The following GPR39 variants were observed in gnomAD, a reference collection of about 807,000 sequenced individuals.
GPR39 encodes the protein zinc sensing receptor.
GPR39 carries 23 observed loss-of-function variants against 18.4 expected under a neutral mutation model. That is an observed-to-expected ratio of 1.25 (90% CI 0.90 to 1.77). The LOEUF is 1.77. Among genes scored for constraint, GPR39 ranks in the 40% most tolerant of loss-of-function variants. The pLI is 0.00. For synonymous variants in GPR39, 280 were observed against 257.9 expected (o/e 1.09, Z -0.82); for missense variants, 647 against 602.4 (o/e 1.07, Z -0.78).
chr2:132,609,034 A>G (rs1681192238), intron 1 of GPR39, among the ~76,000 whole-genome samples: 1 of 152,210 alleles, frequency 6.6e-6, no homozygotes, highest in Non-Finnish European at 1.5e-5. Context: ...TTCAGAGAGC[A>G]GTGAGAGAGG....
chr2:132,469,720 C>A (rs1380513702), intron 1 of GPR39, among the ~76,000 whole-genome samples: 2 of 152,168 alleles, frequency 1.3e-5, no homozygotes, highest in Non-Finnish European at 2.9e-5. Context: ...GCTGGCTCTG[C>A]CTTTGAAACA....
At chr2:132,614,695 C>T (rs191556392) in intron 1 of GPR39, among the ~76,000 whole-genome samples, 48 of 151,618 alleles carry the variant, frequency 3.2e-4, no homozygotes, top group African/African-American at 7.7e-4. Flanking sequence ...AGATTACAGG[C>T]GCATGCCACC....
intron 1 of GPR39, among the ~76,000 whole-genome samples, chr2:132,480,087 A>G (rs977203486): frequency 2.0e-5 from 3 of 152,226 alleles, no homozygotes; most frequent in African/African-American, 7.2e-5. Flanking sequence ...TTAAAATGGA[A>G]GGAAATACCA....
intron 1 of GPR39, among the ~76,000 whole-genome samples, chr2:132,482,598 C>T (rs1014142523): frequency 3.3e-5 from 5 of 152,122 alleles, no homozygotes; most frequent in Non-Finnish European, 4.4e-5. Context: ...TGTGGATGTC[C>T]TGGAGGGGAG....
chr2:132,506,455 T>C (rs1238707297), intron 1 of GPR39, among the ~76,000 whole-genome samples: 1 of 152,160 alleles, frequency 6.6e-6, no homozygotes, highest in Non-Finnish European at 1.5e-5. Context: ...TCTTGAGGTC[T>C]TAGCCATTGT....
chr2:132,553,349 A>G (rs909914807), intron 1 of GPR39, among the ~76,000 whole-genome samples: 4 of 148,304 alleles, frequency 2.7e-5, no homozygotes, highest in Middle Eastern at 3.6e-3. Context: ...GTATATGTGT[A>G]TATATATATG....
At chr2:132,600,634 TATAAC>T (rs1401315935) in intron 1 of GPR39, among the ~76,000 whole-genome samples, 5 of 152,062 alleles carry the variant, frequency 3.3e-5, no homozygotes, top group Admixed American at 2.0e-4. Flanking sequence ...CCTGGACACA[TATAAC>T]CTACCAAGAT....
chr2:132,639,886 A>T (rs1431525072), intron 1 of GPR39, among the ~76,000 whole-genome samples: 1 of 152,150 alleles, frequency 6.6e-6, no homozygotes, highest in African/African-American at 2.4e-5. Flanking sequence ...AATGGTCAGC[A>T]CTTGAGTCTA....
intron 1 of GPR39, among the ~76,000 whole-genome samples, chr2:132,448,503 C>T (rs1046811137): frequency 2.0e-5 from 3 of 152,170 alleles, no homozygotes; most frequent in African/African-American, 7.2e-5. Context: ...TGGGTGCTGA[C>T]CCCTGGGATT....
At chr2:132,622,863 C>T (rs1681466733) in intron 1 of GPR39, among the ~76,000 whole-genome samples, 1 of 152,100 alleles carries the variant, frequency 6.6e-6, no homozygotes, top group South Asian at 2.1e-4. Context: ...GCCTGTAATC[C>T]CAGCACTTTG....
chr2:132,620,966 A>G lies in GPR39; in HGVS notation c.857-24135A>G, dbSNP rs148580397. Reference sequence around the variant, plus strand: ...ACGGGGTTTCATTGTGTTAGCCAGGATGGTCTCGATCACCTGACCTCATAA... The same window carrying G: ...ACGGGGTTTCATTGTGTTAGCCAGGGTGGTCTCGATCACCTGACCTCATAA... On this transcript the variant is annotated intron_variant, in intron 1 of 1. Coordinates refer to ENST00000329321, the MANE Select transcript of GPR39 (RefSeq NM_001508.3). 5.8e-4 allele frequency among the ~76,000 whole-genome samples: 89 copies of G among 152,168 alleles called. No homozygotes were observed. In the East Asian group the frequency reaches 0.016, roughly 28 times the overall value.
At chr2:132,629,038 T>G (rs1558864269) in intron 1 of GPR39, among the ~76,000 whole-genome samples, 1 of 152,136 alleles carries the variant, frequency 6.6e-6, no homozygotes. Context: ...TAGGGAGCCC[T>G]TCCCAGAGGA....
Position 132,417,610 on chromosome 2 carries a change from A to G in GPR39, c.568A>G (p.Thr190Ala). Residue 190 changes from threonine (T) to alanine (A), a missense_variant, in exon 1 of 2, where the codon ACT becomes GCT. This residue lies in a region of GPR39 where 581 missense variants were observed against 506.8 expected (regional missense o/e 1.15). Coordinates refer to ENST00000329321, the MANE Select transcript of GPR39 (RefSeq NM_001508.3). ...LVNVPSHRGL[T>A]CNRSSTRHHE... ...GAACGTGCCCAGCCACCGGGGTCTCACTTGCAACCGCTCCAGCACCCGCCA... is the reference window on the plus strand; with the variant it reads ...GAACGTGCCCAGCCACCGGGGTCTCGCTTGCAACCGCTCCAGCACCCGCCA... 1 of 1,613,856 alleles carries G rather than the reference A, an allele frequency of 6.2e-7. No homozygotes were observed. The highest frequency in any genetic ancestry group is 8.5e-7 in the Non-Finnish European group (1 of 1,179,958).
intron 1 of GPR39, among the ~76,000 whole-genome samples, chr2:132,623,337 C>T (rs568519417): frequency 5.8e-4 from 88 of 152,112 alleles, no homozygotes; most frequent in Admixed American, 2.9e-3. Flanking sequence ...CTGGACTCCA[C>T]GCTCCTGATA....
chr2:132,633,993 A>ATGAGG (rs1336885266), intron 1 of GPR39, among the ~76,000 whole-genome samples: 4 of 140,584 alleles, frequency 2.8e-5, no homozygotes, highest in African/African-American at 1.1e-4. Context: ...AGAGGTGGAG[A>ATGAGG]TGATGATGGT....
chr2:132,570,370 CT>C (rs1409592381), intron 1 of GPR39, among the ~76,000 whole-genome samples: 3 of 152,098 alleles, frequency 2.0e-5, no homozygotes, highest in African/African-American at 7.2e-5. Flanking sequence ...TCCAGCCGCA[CT>C]TCCTCACTTG....
intron 1 of GPR39, among the ~76,000 whole-genome samples, chr2:132,618,485 G>A (rs887402459): frequency 2.0e-5 from 3 of 152,188 alleles, no homozygotes; most frequent in African/African-American, 7.2e-5. Flanking sequence ...TCACAAATGT[G>A]ACAATAGATG....
chr2:132,453,663 G>C (rs1479730739), intron 1 of GPR39, among the ~76,000 whole-genome samples: 1 of 152,152 alleles, frequency 6.6e-6, no homozygotes, highest in Non-Finnish European at 1.5e-5. Context: ...TGTATAAGGT[G>C]TAATGAAGGG....
intron 1 of GPR39, among the ~76,000 whole-genome samples, chr2:132,633,261 C>A (rs1033484536): frequency 6.6e-6 from 1 of 151,852 alleles, no homozygotes; most frequent in Non-Finnish European, 1.5e-5. Flanking sequence ...TTGTTGTAAT[C>A]CTACCTTCTA....
Sources: gnomAD v4.1 joint callset for allele counts (sites outside exome capture counted in the v4.1 genomes callset) on GRCh38, gnomAD v4.1.1 for gene constraint, gnomAD v4.1.1 regional missense constraint, MANE v1.5 for transcripts, NCBI Gene and HGNC (gene_info 2026-07-23, HGNC 2026-07-21) for gene names.